The following NBAS variants were observed in gnomAD, a reference collection of about 807,000 sequenced individuals.
NBAS encodes NBAS subunit of NRZ tethering complex, also known as NAG/BC035112 fusion.
A neutral mutation model predicts 302.5 loss-of-function variants in NBAS; 219 were observed. The ratio of observed to expected loss-of-function variants is 0.72; its 90% CI spans 0.65 to 0.81. The LOEUF (loss-of-function observed/expected upper bound fraction) is 0.81. Ranked by LOEUF, NBAS falls within the 30% of genes least tolerant of loss-of-function variation. The pLI is 0.00. For synonymous variants in NBAS, 1,118 were observed against 1,021.6 expected (o/e 1.09, Z -1.80); for missense variants, 2,932 against 2,841.6 (o/e 1.03, Z -0.72).
intron 50 of NBAS, among the ~76,000 whole-genome samples, chr2:15,183,234 A>G (rs1664912987): frequency 6.6e-6 from 1 of 152,212 alleles, no homozygotes; most frequent in Non-Finnish European, 1.5e-5. Flanking sequence ...ACATTTAGCC[A>G]TCAGTAAAAA....
the NBAS span, among the ~76,000 whole-genome samples, chr2:14,881,499 G>A: frequency 7.9e-5 from 12 of 152,240 alleles, no homozygotes; most frequent in South Asian, 4.1e-4. Context: ...CACATGTACC[G>A]CCAAATCTAA....
chr2:15,443,182 T>C (rs1678528775), intron 21 of NBAS, among the ~76,000 whole-genome samples: 2 of 152,004 alleles, frequency 1.3e-5, no homozygotes, highest in South Asian at 2.1e-4. Context: ...ATAGCAAAGC[T>C]GGGCAGAGAC....
At chr2:15,341,633 C>T (rs967729841) in intron 35 of NBAS, among the ~76,000 whole-genome samples, 3 of 151,858 alleles carry the variant, frequency 2.0e-5, no homozygotes. Context: ...ATGCACGGGC[C>T]TTATGAAGAA....
At chr2:15,305,457 T>TC (rs1435940244) in intron 40 of NBAS, among the ~76,000 whole-genome samples, 1 of 150,890 alleles carries the variant, frequency 6.6e-6, no homozygotes, top group African/African-American at 2.4e-5. Context: ...CAGTTTTTTT[T>TC]TTTTTTTTTT....
the NBAS span, among the ~76,000 whole-genome samples, chr2:15,108,753 G>T: frequency 2.6e-5 from 4 of 152,230 alleles, no homozygotes; most frequent in Middle Eastern, 3.4e-3. Flanking sequence ...GCCTGAAAAG[G>T]CAACCAATTA....
At chr2:15,165,135 T>C (rs896645071), downstream of NBAS, among the ~76,000 whole-genome samples, 5 of 152,246 alleles carry the variant, frequency 3.3e-5, no homozygotes, top group African/African-American at 1.2e-4. Flanking sequence ...TAACAGACTG[T>C]GTTTCTCAGA....
At chr2:14,822,685 C>G in the NBAS span, among the ~76,000 whole-genome samples, 1 of 152,274 alleles carries the variant, frequency 6.6e-6, no homozygotes, top group Non-Finnish European at 1.5e-5. Flanking sequence ...CACGGTGTAA[C>G]CTCCCAGTGA....
chr2:14,952,923 G>T, the NBAS span, among the ~76,000 whole-genome samples: 1 of 152,212 alleles, frequency 6.6e-6, no homozygotes, highest in African/African-American at 2.4e-5. Flanking sequence ...AGCAACTCAG[G>T]GAGTCTGGAG....
chr2:15,363,414 T>C (rs762704502), intron 32 of NBAS, among the ~76,000 whole-genome samples: 6 of 152,182 alleles, frequency 3.9e-5, no homozygotes, highest in Non-Finnish European at 2.9e-5. Context: ...TGATTTGAGA[T>C]GTGGTAAAAT....
chr2:15,229,347 C>CAAAAAAAAAAAAAAAAA (rs61152926), intron 47 of NBAS, among the ~76,000 whole-genome samples: 3 of 76,870 alleles, frequency 3.9e-5, no homozygotes, highest in Non-Finnish European at 5.4e-5. Context: ...TCTCAAAAAA[C>CAAAAAAAAAAAAAAAAA]AAAAAAAAAA....
intron 9 of NBAS, among the ~76,000 whole-genome samples, chr2:15,519,791 G>T (rs1239713706): frequency 2.0e-5 from 3 of 152,038 alleles, no homozygotes; most frequent in Non-Finnish European, 2.9e-5. Context: ...TGATGCTGCT[G>T]GTCAGGGACC....
At chr2:15,002,112 C>T in the NBAS span, among the ~76,000 whole-genome samples, 3 of 151,896 alleles carry the variant, frequency 2.0e-5, no homozygotes, top group African/African-American at 7.3e-5. Flanking sequence ...TACAGAGTGT[C>T]GACACAAAGG....
At chr2:15,415,309 G>T (rs996549864) in intron 25 of NBAS, among the ~76,000 whole-genome samples, 2 of 152,200 alleles carry the variant, frequency 1.3e-5, no homozygotes, top group Non-Finnish European at 2.9e-5. Context: ...GGTATTGCCA[G>T]CTTCTTAAAT....
In NBAS at chr2:15,439,881, C is replaced by T. The variant is rs550937542; in HGVS notation, c.2340-12087G>A. Among the ~76,000 whole-genome samples, 11 of 152,360 alleles carry T rather than the reference C, an allele frequency of 7.2e-5. No homozygotes were observed. In the South Asian group the frequency reaches 2.1e-3, roughly 29 times the overall value. On this transcript the variant is annotated intron_variant, in intron 21 of 51. Coordinates refer to ENST00000281513, the MANE Select transcript of NBAS (RefSeq NM_015909.4). ...CCTGCACCTGGCTCGGAGGGTCCTA[C>T]GTCCACGGAGTCTCCCTGATTGCTA... is the stretch of plus-strand genomic sequence containing the variant.
chr2:14,944,144 CA>C, the NBAS span, among the ~76,000 whole-genome samples: 8 of 152,146 alleles, frequency 5.3e-5, no homozygotes, highest in East Asian at 1.4e-3. Flanking sequence ...CTAAAAAATA[CA>C]AAAAATTAGC....
intron 1 of NBAS, among the ~76,000 whole-genome samples, chr2:15,560,623 C>A (rs1347434072): frequency 6.6e-6 from 1 of 152,000 alleles, no homozygotes; most frequent in Non-Finnish European, 1.5e-5. Context: ...TTATTAAATG[C>A]TCTTTTATTG....
chr2:15,232,508 A>C lies in NBAS; in HGVS notation c.6150T>G (p.Gly2050=). 3 of 1,613,462 alleles carry C rather than the reference A, an allele frequency of 1.9e-6. No homozygotes were observed. Among genetic ancestry groups the C allele is most frequent in the Non-Finnish European group, 2.5e-6 (3 of 1,179,790 alleles). ...TTGGCCCACCAAGGTCAGCACTGCC[A>C]CCACTGTGAAAAGAGAGATAAACTG... is the stretch of plus-strand genomic sequence containing the variant. ...AIMKIISALS[G]GSADLGGPRD... The change falls in exon 47 of 52, where the codon GGT becomes GGG. Residue 2050 remains glycine, a synonymous_variant. Transcript: ENST00000281513.
At chr2:15,525,991 A>G (rs1046620824) in intron 9 of NBAS, among the ~76,000 whole-genome samples, 4 of 152,132 alleles carry the variant, frequency 2.6e-5, no homozygotes, top group African/African-American at 9.7e-5. Context: ...CTACATTTGA[A>G]TCTCCACCAG....
the NBAS span, among the ~76,000 whole-genome samples, chr2:15,147,362 A>G: frequency 6.6e-6 from 1 of 151,946 alleles, no homozygotes; most frequent in Non-Finnish European, 1.5e-5. Context: ...GGGAGGCTGA[A>G]GCGGGTGGAT....
Sources: gnomAD v4.1 joint callset for allele counts (sites outside exome capture counted in the v4.1 genomes callset) on GRCh38, gnomAD v4.1.1 for gene constraint, MANE v1.5 for transcripts, NCBI Gene and HGNC (gene_info 2026-07-23, HGNC 2026-07-21) for gene names.